The following XIST variants were observed in gnomAD, a reference collection of about 807,000 sequenced individuals.
The protein encoded by XIST is X inactive specific transcript (non-protein coding).
chrX:73,850,480 T>G, exon 1 of XIST: 1 of 545,632 alleles, frequency 1.8e-6, no homozygotes, highest in East Asian at 3.3e-5. Flanking sequence ...ATCCAAAAGA[T>G]AAATATAAAT....
At chrX:73,832,436 G>A (rs960035413) in intron 3 of XIST, among the ~76,000 whole-genome samples, 1 of 111,321 alleles carries the variant, frequency 9.0e-6, no homozygotes, top group Non-Finnish European at 1.9e-5. Flanking sequence ...ACAGGCCCCC[G>A]GGGCTCTCCT....
At chrX:73,848,236 A>G (rs187990842) in exon 1 of XIST, 2 of 555,196 alleles carry the variant, frequency 3.6e-6, no homozygotes, top group African/African-American at 4.5e-5. Context: ...AGACAAAAGG[A>G]ATATGAGGGG....
At chrX:73,843,907 T>C (rs1922664481) in exon 1 of XIST, 1 of 557,788 alleles carries the variant, frequency 1.8e-6, no homozygotes, top group East Asian at 3.2e-5. Context: ...CTTAATCTAC[T>C]GACAAAGACA....
exon 1 of XIST, chrX:73,842,891 T>C: frequency 1.8e-6 from 1 of 558,232 alleles, no homozygotes; most frequent in Non-Finnish European, 3.2e-6. Flanking sequence ...AGCAATAGTC[T>C]GTAAAAAGGG....
At chrX:73,826,945 C>A (rs1370614726) in exon 6 of XIST, 1 of 556,774 alleles carries the variant, frequency 1.8e-6, no homozygotes, top group Non-Finnish European at 3.2e-6. Context: ...CCAACTCAGG[C>A]CTTCGGTCCA....
At chrX:73,824,836 T>C (rs758676852) in exon 6 of XIST, 2 of 558,314 alleles carry the variant, frequency 3.6e-6, no homozygotes, top group Non-Finnish European at 6.5e-6. Context: ...AAAGTCTTGA[T>C]TGTTTAAAAT....
chrX:73,824,251 A>T lies in XIST; in HGVS notation n.15650T>A, dbSNP rs1293621640. 5.8e-6 allele frequency: 3 copies of T among 515,603 alleles called. No homozygotes were observed. In the South Asian group the frequency reaches 7.4e-5, roughly 13 times the overall value. The allele number at this position is 515,603 out of a possible 1,213,427, so 42.5% of individuals were successfully genotyped here. A position where few individuals can be genotyped will look rare whatever the true frequency, so the allele number is the denominator to read the frequency against. ...TAACTACTATAGTGGCATTCTTCAG[A>T]CAACCAATCCCTTGCGTATGCGTAT... On this transcript the variant is annotated non_coding_transcript_exon_variant, in exon 6 of 6. Transcript: ENST00000429829.
At chrX:73,846,534 T>C (rs1215062842) in exon 1 of XIST, 1 of 557,631 alleles carries the variant, frequency 1.8e-6, no homozygotes, top group Non-Finnish European at 3.2e-6. Flanking sequence ...TAGGACCTTA[T>C]TCACATGGAA....
At chrX:73,852,196 G>A (rs1298085243) in exon 1 of XIST, 1 of 544,954 alleles carries the variant, frequency 1.8e-6, no homozygotes, top group African/African-American at 2.4e-5. Flanking sequence ...ATGGGCCAGA[G>A]TGTTGGGGGT....
intron 1 of XIST, among the ~76,000 whole-genome samples, chrX:73,839,556 C>A (rs1366080515): frequency 9.0e-6 from 1 of 111,194 alleles, no homozygotes; most frequent in African/African-American, 3.3e-5. Context: ...CTGCCCAAAA[C>A]CATAATGATT....
At chrX:73,834,988 C>T (rs1197068925) in intron 2 of XIST, among the ~76,000 whole-genome samples, 2 of 97,782 alleles carry the variant, frequency 2.0e-5, no homozygotes, top group Non-Finnish European at 4.0e-5. Flanking sequence ...AGCAAAACTC[C>T]GTCTCAAAAA....
At chrX:73,833,103 C>A (rs1922416855) in intron 3 of XIST, 2 of 432,586 alleles carry the variant, frequency 4.6e-6, no homozygotes, top group Admixed American at 3.8e-5. Context: ...AGTGATCCCC[C>A]CACCTCAACC....
exon 1 of XIST, chrX:73,847,945 A>AT: frequency 1.8e-6 from 1 of 559,249 alleles, no homozygotes; most frequent in South Asian, 2.2e-5. Flanking sequence ...TCTGAAAGAC[A>AT]TTGTTGTGAT....
At chrX:73,842,743 T>C (rs1922626929) in exon 1 of XIST, 1 of 558,400 alleles carries the variant, frequency 1.8e-6, no homozygotes, top group Non-Finnish European at 3.2e-6. Flanking sequence ...AACTGAGAAT[T>C]GTTTAAGTCC....
At chrX:73,831,171 C>CT in exon 4 of XIST, 2 of 556,878 alleles carry the variant, frequency 3.6e-6, no homozygotes, top group Non-Finnish European at 6.5e-6. Context: ...TGGTAGTGAG[C>CT]TTTTCCCCTG....
intron 3 of XIST, chrX:73,831,428 C>T (rs1379837079): frequency 5.7e-6 from 2 of 351,923 alleles, no homozygotes; most frequent in Non-Finnish European, 9.8e-6. Flanking sequence ...CTGTTATATT[C>T]TGGCTACCAA....
exon 1 of XIST, chrX:73,845,580 A>C (rs766298626): frequency 1.8e-6 from 1 of 555,931 alleles, no homozygotes; most frequent in African/African-American, 2.3e-5. Context: ...AATCACACAC[A>C]TAACAGGCCA....
exon 6 of XIST, chrX:73,827,348 G>T: frequency 1.8e-6 from 1 of 558,495 alleles, no homozygotes; most frequent in Non-Finnish European, 3.2e-6. Context: ...GAGATTACAT[G>T]AAATCAAAGA....
At chrX:73,827,249 C>T (rs749570425) in exon 6 of XIST, 13 of 556,431 alleles carry the variant, frequency 2.3e-5, no homozygotes, top group Non-Finnish European at 3.9e-5. Flanking sequence ...ACGTTCTGCA[C>T]CTATCAGGCA....
Sources: gnomAD v4.1 joint callset for allele counts (sites outside exome capture counted in the v4.1 genomes callset) on GRCh38, gnomAD v4.1.1 for gene constraint, MANE v1.5 for transcripts, NCBI Gene and HGNC (gene_info 2026-07-23, HGNC 2026-07-21) for gene names.